Variants in DLG2 observed in about 807,000 individuals in gnomAD.
DLG2 encodes the protein disks large homolog 2.
A neutral mutation model predicts 132.5 loss-of-function variants in DLG2; 45 were observed. The observed-to-expected ratio is 0.34, with a 90% confidence interval of 0.27 to 0.44. DLG2 has a LOEUF of 0.44. DLG2 is among the 20% of genes least tolerant of loss of function. The pLI, the probability that DLG2 is intolerant of heterozygous loss-of-function variation, is 1.00. For synonymous variants in DLG2, 424 were observed against 419.6 expected, an observed-to-expected ratio of 1.01 and a Z score of -0.13; for missense variants, 1,045 against 1,196.9, an observed-to-expected ratio of 0.87 and a Z score of 1.87.
chr11:85,057,230 C>A (rs2154157167), intron 6 of DLG2, among the ~76,000 whole-genome samples: 1 of 151,502 alleles, frequency 6.6e-6, no homozygotes, highest in African/African-American at 2.4e-5. Context: ...AAATCAGTAA[C>A]AAATAATATA....
intron 8 of DLG2, among the ~76,000 whole-genome samples, chr11:84,236,582 CCCTTG>C (rs2154339861): frequency 6.6e-6 from 1 of 152,334 alleles, no homozygotes; most frequent in Non-Finnish European, 1.5e-5. Flanking sequence ...AGCAGAACAA[CCCTTG>C]GAGGGGTGTT....
chr11:84,644,705 CAA>C (rs61451048), intron 6 of DLG2, among the ~76,000 whole-genome samples: 60 of 119,354 alleles, frequency 5.0e-4, no homozygotes, highest in East Asian at 6.9e-4. Flanking sequence ...GACTCCATTT[CAA>C]AAAAAAAAAA....
At chr11:84,273,678 T>C (rs1393006947) in intron 7 of DLG2, among the ~76,000 whole-genome samples, 1 of 152,098 alleles carries the variant, frequency 6.6e-6, no homozygotes, top group African/African-American at 2.4e-5. Flanking sequence ...GTAGTAACAT[T>C]GAAGGGAGTC....
intron 6 of DLG2, among the ~76,000 whole-genome samples, chr11:85,073,500 G>T (rs1379516597): frequency 6.6e-6 from 1 of 151,820 alleles, no homozygotes; most frequent in Admixed American, 6.6e-5. Flanking sequence ...GTAATAAATG[G>T]TGGTAGTAAG....
intron 18 of DLG2, among the ~76,000 whole-genome samples, chr11:83,757,953 G>A (rs1198138508): frequency 2.6e-5 from 4 of 152,010 alleles, no homozygotes; most frequent in African/African-American, 9.7e-5. Context: ...CTATTGACTT[G>A]GTTAATACAA....
chr11:84,040,093 T>G (rs917132558), intron 11 of DLG2, among the ~76,000 whole-genome samples: 3 of 151,658 alleles, frequency 2.0e-5, no homozygotes, highest in South Asian at 4.2e-4. Context: ...TAAATTTGTT[T>G]GAGTTCATTG....
intron 3 of DLG2, among the ~76,000 whole-genome samples, chr11:85,403,494 A>C (rs2088397590): frequency 6.6e-6 from 1 of 152,122 alleles, no homozygotes; most frequent in South Asian, 2.1e-4. Flanking sequence ...TATAATAAAA[A>C]AAATTAAATT....
intron 4 of DLG2, among the ~76,000 whole-genome samples, chr11:85,267,493 T>C (rs548342419): frequency 6.6e-6 from 1 of 152,272 alleles, no homozygotes; most frequent in South Asian, 2.1e-4. Context: ...CTTATTTCTA[T>C]ACCCCCCACA....
At chr11:84,847,278 C>T (rs539750504) in intron 6 of DLG2, among the ~76,000 whole-genome samples, 128 of 152,222 alleles carry the variant, frequency 8.4e-4, no homozygotes, top group Admixed American at 3.5e-3. Flanking sequence ...GGGAGCACTG[C>T]TATCAGAGGC....
intron 18 of DLG2, among the ~76,000 whole-genome samples, chr11:83,696,449 A>AAGCC (rs1219667768): frequency 6.6e-6 from 1 of 152,160 alleles, no homozygotes; most frequent in Non-Finnish European, 1.5e-5. Context: ...CTCATTAGGT[A>AAGCC]AGCCAGCCAG....
At chr11:83,901,011 T>C (rs2073257112) in intron 15 of DLG2, among the ~76,000 whole-genome samples, 1 of 152,028 alleles carries the variant, frequency 6.6e-6, no homozygotes, top group African/African-American at 2.4e-5. Context: ...AGACATGGAG[T>C]CAAAGGAGAT....
At chr11:84,290,472 G>T (rs1443584525) in intron 7 of DLG2, among the ~76,000 whole-genome samples, 1 of 152,056 alleles carries the variant, frequency 6.6e-6, no homozygotes, top group Non-Finnish European at 1.5e-5. Flanking sequence ...TTATCGCAGG[G>T]TTCTTCTGAG....
At chr11:84,978,635 C>T (rs2055270296) in intron 6 of DLG2, among the ~76,000 whole-genome samples, 1 of 152,066 alleles carries the variant, frequency 6.6e-6, no homozygotes. Flanking sequence ...AAACTGGATC[C>T]CTTCCTTACA....
chr11:85,501,461 C>T (rs1442192101), intron 3 of DLG2, among the ~76,000 whole-genome samples: 2 of 152,140 alleles, frequency 1.3e-5, no homozygotes, highest in Non-Finnish European at 2.9e-5. Context: ...GCAAAAGAAA[C>T]TATCATCAGA....
intron 26 of DLG2, among the ~76,000 whole-genome samples, chr11:83,466,074 C>T (rs1380688758): frequency 6.6e-6 from 1 of 152,102 alleles, no homozygotes; most frequent in African/African-American, 2.4e-5. Flanking sequence ...CCTGAGTGCA[C>T]AGGTATGAAG....
intron 6 of DLG2, among the ~76,000 whole-genome samples, chr11:84,631,507 T>C (rs1015644414): frequency 1.3e-5 from 2 of 152,118 alleles, no homozygotes; most frequent in African/African-American, 4.8e-5. Context: ...TTCTGTCAAA[T>C]TGTCACAACA....
intron 18 of DLG2, among the ~76,000 whole-genome samples, chr11:83,743,735 T>C (rs1412665329): frequency 6.6e-6 from 1 of 152,110 alleles, no homozygotes; most frequent in Non-Finnish European, 1.5e-5. Context: ...CTCCTAGCCA[T>C]GGACAGGCTA....
intron 2 of DLG2, among the ~76,000 whole-genome samples, chr11:85,622,161 C>T (rs1363812481): frequency 6.6e-6 from 1 of 152,144 alleles, no homozygotes; most frequent in Non-Finnish European, 1.5e-5. Flanking sequence ...AGCATTTTTA[C>T]TTAAAGTACG....
chr11:84,276,483 G>T (rs1187327881), intron 7 of DLG2, among the ~76,000 whole-genome samples: 1 of 152,130 alleles, frequency 6.6e-6, no homozygotes, highest in Non-Finnish European at 1.5e-5. Flanking sequence ...TATGTGCCAA[G>T]AACTGTGCTA....
Sources: allele counts gnomAD v4.1 joint callset (sites outside exome capture counted in the v4.1 genomes callset), GRCh38; gene constraint gnomAD v4.1.1; transcripts MANE v1.5; gene names NCBI Gene and HGNC (gene_info 2026-07-23, HGNC 2026-07-21).